DNMBP: variants seen among roughly 807,000 people sequenced by gnomAD.
DNMBP encodes the protein dynamin-binding protein.
In DNMBP, 87 loss-of-function variants were observed where a neutral mutation model predicts 150.0. That is an observed-to-expected ratio of 0.58 (90% CI 0.49 to 0.69). The LOEUF (loss-of-function observed/expected upper bound fraction) is 0.69, where lower values mean the gene tolerates loss of function less well. Ranked by LOEUF, DNMBP falls within the 30% of genes least tolerant of loss-of-function variation. DNMBP has a pLI of 0.00. For synonymous variants in DNMBP, 711 were observed against 750.4 expected (o/e 0.95, Z 0.86); for missense variants, 1,774 against 1,949.0 (o/e 0.91, Z 1.69).
At chr10:99,889,150 T>G (rs2039519237) in intron 11 of DNMBP, 197 bp from the exon 12 acceptor site, 1 of 557,486 alleles carries the variant, frequency 1.8e-6, no homozygotes, top group South Asian at 2.5e-5. Context: ...AGGCTAAGAC[T>G]TTTAATTCTT....
chr10:99,969,209 A>C lies in DNMBP; in HGVS notation c.174T>G (p.Ile58Met), dbSNP rs1237763492. 2 of 1,614,078 alleles carry C rather than the reference A, an allele frequency of 1.2e-6. No individual in the cohort carries two copies. Among genetic ancestry groups the C allele is most frequent in the Non-Finnish European group, 1.7e-6 (2 of 1,179,928 alleles). The stretch of plus-strand genomic sequence containing the variant: ...CCTCTTTTAGACTGGGAATGGTCAC[A>C]ATTTCCACAAAACTGCTGGGGAATT... ...TGQFPSSFVE[I>M]VTIPSLKEGE... is the part of the protein sequence containing the mutation. Residue 58 changes from isoleucine (I) to methionine (M), a missense_variant, in exon 3 of 17, where the codon ATT (isoleucine) becomes ATG (methionine). Physicochemically the swap from Ile to Met is conservative, Grantham distance 10. Coordinates refer to ENST00000324109, the MANE Select transcript of DNMBP (RefSeq NM_015221.4).
intron 4 of DNMBP, among the ~76,000 whole-genome samples, chr10:99,918,381 TC>T (rs1268929830): frequency 3.9e-5 from 6 of 152,048 alleles, no homozygotes; most frequent in African/African-American, 1.4e-4. Context: ...GGAAAAACGT[TC>T]CTGGTGGCTT....
At chr10:99,946,783 A>C (rs961322629) in intron 4 of DNMBP, among the ~76,000 whole-genome samples, 3 of 152,210 alleles carry the variant, frequency 2.0e-5, no homozygotes, top group Non-Finnish European at 4.4e-5. Context: ...CTATCAACAG[A>C]GTAAACAGAC....
chr10:99,904,957 A>T (rs971205897), intron 6 of DNMBP, among the ~76,000 whole-genome samples: 1 of 152,182 alleles, frequency 6.6e-6, no homozygotes, highest in African/African-American at 2.4e-5. Flanking sequence ...GGTTAACTCC[A>T]ACCACCTGAG....
At chr10:99,952,153 CCTT>C (rs1443671050) in intron 4 of DNMBP, among the ~76,000 whole-genome samples, 2 of 152,158 alleles carry the variant, frequency 1.3e-5, no homozygotes, top group African/African-American at 4.8e-5. Flanking sequence ...ACTTGCTCCT[CCTT>C]GCCTTCCACC....
chr10:99,904,600 TCA>T (rs2133237992), intron 6 of DNMBP, among the ~76,000 whole-genome samples: 1 of 152,208 alleles, frequency 6.6e-6, no homozygotes, highest in African/African-American at 2.4e-5. Context: ...CATGGTACTC[TCA>T]GTCTTGGCTC....
chr10:99,886,336 C>T lies in DNMBP; in HGVS notation c.3582G>A (p.Val1194=), dbSNP rs1323021978. ...GCTTTAATTGCTCCAGAGCCTGGTG[C>T]ACAAAGTCACAGTGGGCTTCAGCAT... is the stretch of plus-strand genomic sequence containing the variant. ...HGYAEAHCDF[V]HQALEQLKPL... is the part of the protein sequence containing the mutation. Residue 1194 remains valine, a synonymous_variant, in exon 13 of 17, where the codon GTG becomes GTA. Coordinates refer to ENST00000324109, the MANE Select transcript of DNMBP (RefSeq NM_015221.4). 1.9e-6 allele frequency: 3 copies of T among 1,613,888 alleles called. No individual in the cohort carries two copies. The highest frequency in any genetic ancestry group is 2.5e-6 in the Non-Finnish European group (3 of 1,179,896).
intron 4 of DNMBP, chr10:99,929,668 G>A (rs762980590): frequency 2.4e-5 from 17 of 702,564 alleles, no homozygotes; most frequent in African/African-American, 7.0e-5. Flanking sequence ...GGTGCTGTGC[G>A]GCGGAGGCAA....
chr10:99,879,630 G>A (rs1010410752), intron 16 of DNMBP, among the ~76,000 whole-genome samples, 181 bp downstream of exon 16: 36 of 152,202 alleles, frequency 2.4e-4, no homozygotes, highest in Non-Finnish European at 1.0e-4. Flanking sequence ...AGTATCAGCA[G>A]GGGAAGGTGC....
chr10:99,945,945 C>G (rs115797729), intron 4 of DNMBP, among the ~76,000 whole-genome samples: 2,544 of 152,226 alleles, frequency 0.017, 38 homozygotes, highest in African/African-American at 0.037. Context: ...ACAGCCCTAC[C>G]CAGAAATGCT....
intron 3 of DNMBP, among the ~76,000 whole-genome samples, chr10:99,960,386 T>C (rs534687800): frequency 3.7e-4 from 57 of 152,332 alleles, no homozygotes; most frequent in African/African-American, 1.2e-3. Context: ...GGAATGCACC[T>C]GGCCTAGGTA....
Position 99,977,620 on chromosome 10 carries a change from C to T in DNMBP, c.-10-5486G>A, listed in dbSNP as rs1589447071. Among the ~76,000 whole-genome samples, 3 of 152,250 alleles carry T rather than the reference C, an allele frequency of 2.0e-5. No individual in the cohort carries two copies. The East Asian group carries it at 5.8e-4, about 29-fold the overall frequency. ...ATTTGGAAAGAAAATTCTTCAAACC[C>T]TTTTAGAATGTAAACTCTGTGAAGG... is the stretch of plus-strand genomic sequence containing the variant. On this transcript the variant is annotated intron_variant, in intron 1 of 16. Transcript: ENST00000324109.
chr10:99,956,479 A>C lies in DNMBP; in HGVS notation c.995T>G (p.Leu332Ter). The change falls in exon 4 of 17, where the codon TTA becomes TGA. Residue 332 changes from leucine to a stop codon, truncating the protein, a stop_gained. Transcript: ENST00000324109. LOFTEE classifies it high-confidence loss of function. ...ETSLDCLENT[L>*]GVEEQRHETS... is the part of the protein sequence containing the mutation. Reference sequence around the variant, plus strand: ...TTCATGTCTTTGTTCCTCTACTCCTAAGGTGTTCTCCAAACAATCCAAAGA... The same window carrying C: ...TTCATGTCTTTGTTCCTCTACTCCTCAGGTGTTCTCCAAACAATCCAAAGA... 1 of 1,613,934 alleles carries C rather than the reference A, an allele frequency of 6.2e-7. No homozygotes were observed. Among genetic ancestry groups the C allele is most frequent in the African/African-American group, 1.3e-5 (1 of 74,940 alleles).
At chr10:99,927,070 C>G (rs532440302) in intron 4 of DNMBP, 2 of 152,302 alleles carry the variant, frequency 1.3e-5, no homozygotes, top group Non-Finnish European at 2.9e-5. Flanking sequence ...GAAAGGAAAG[C>G]CTGGGGGAAA....
chr10:99,891,202 C>CCT, intron 11 of DNMBP, among the ~76,000 whole-genome samples: 1 of 149,594 alleles, frequency 6.7e-6, no homozygotes, highest in South Asian at 2.2e-4. Flanking sequence ...CCACCGTCTC[C>CCT]CTCTCTTTCC....
Position 99,877,171 on chromosome 10 carries a change from G to A in DNMBP, c.4714C>T (p.Arg1572Cys), listed in dbSNP as rs752233660. 94 of 1,610,446 alleles carry A rather than the reference G, an allele frequency of 5.8e-5. No individual in the cohort carries two copies. The highest frequency in any genetic ancestry group is 7.3e-5 in the Non-Finnish European group (86 of 1,178,582). Residue 1572 changes from arginine to cysteine, a missense_variant, in exon 17 of 17, where the codon CGC (arginine) becomes TGC (cysteine). This residue lies in a region of DNMBP where 1,430 missense variants were observed against 1,492.5 expected (regional missense o/e 0.96). Transcript: ENST00000324109. ...TGGGCTCAGGTGTACTCGGTTTTGC[G>A]GATATAATTGGAGGGAACGTAGCCC... is the stretch of plus-strand genomic sequence containing the variant. Reference protein sequence around the residue: ...KKGYVPSNYIRKTEYT With the variant: ...KKGYVPSNYICKTEYT
intron 5 of DNMBP, among the ~76,000 whole-genome samples, chr10:99,908,413 T>C (rs1349038845): frequency 6.6e-6 from 1 of 152,230 alleles, no homozygotes; most frequent in Non-Finnish European, 1.5e-5. Flanking sequence ...GCTGCAGAAG[T>C]ACTTGGGAGT....
chr10:99,917,499 G>T (rs1473517697), intron 4 of DNMBP, among the ~76,000 whole-genome samples: 4 of 152,102 alleles, frequency 2.6e-5, no homozygotes, highest in Non-Finnish European at 4.4e-5. Context: ...TTTCTATGAT[G>T]AATATATAAT....
At chr10:100,001,233 T>TAAAAA (rs71009800) in intron 1 of DNMBP, among the ~76,000 whole-genome samples, 5 of 21,732 alleles carry the variant, frequency 2.3e-4, no homozygotes, top group South Asian at 1.8e-3. Context: ...TCCGTCTCAT[T>TAAAAA]AAAAAAAAAA....
Sources: gnomAD v4.1 joint callset for allele counts (sites outside exome capture counted in the v4.1 genomes callset) on GRCh38, gnomAD v4.1.1 for gene constraint, gnomAD v4.1.1 regional missense constraint, MANE v1.5 for transcripts, NCBI Gene and HGNC (gene_info 2026-07-23, HGNC 2026-07-21) for gene names.